The following CERKL variants were observed in gnomAD, a reference collection of about 807,000 sequenced individuals.
The protein encoded by CERKL is CERK like autophagy regulator.
In CERKL, 61 loss-of-function variants were observed where a neutral mutation model predicts 63.4. The ratio of observed to expected loss-of-function variants is 0.96; its 90% CI spans 0.78 to 1.19. The LOEUF (loss-of-function observed/expected upper bound fraction) is 1.19. Among genes scored for constraint, CERKL ranks in the 50% most tolerant of loss-of-function variants. CERKL has a pLI of 0.00. For missense variants in CERKL, 675 were observed against 655.5 expected, an observed-to-expected ratio of 1.03 and a Z score of -0.33; for synonymous variants, 250 against 230.5, an observed-to-expected ratio of 1.08 and a Z score of -0.77.
At chr2:181,648,309 T>C (rs546837297) in intron 1 of CERKL, among the ~76,000 whole-genome samples, 1 of 152,054 alleles carries the variant, frequency 6.6e-6, no homozygotes, top group Admixed American at 6.5e-5. Context: ...TGTAAGGGAA[T>C]CCTAATTAGA....
intron 2 of CERKL, among the ~76,000 whole-genome samples, chr2:181,586,443 T>TG (rs1423439083): frequency 1.3e-5 from 2 of 151,752 alleles, no homozygotes; most frequent in African/African-American, 2.4e-5. Context: ...CTAAACTCCT[T>TG]GAAAAAAAAA....
intron 11 of CERKL, among the ~76,000 whole-genome samples, chr2:181,543,438 A>AT (rs2105794756): frequency 6.6e-6 from 1 of 152,310 alleles, no homozygotes; most frequent in South Asian, 2.1e-4. Context: ...TGGGACTGTA[A>AT]TTTTTTATGA....
rs1301578842 is a variant in CERKL, at chr2:181,537,319, G to A, written c.*865C>T. 2.2e-6 allele frequency: 1 copy of A among 453,528 alleles called. No homozygotes were observed. The highest frequency in any genetic ancestry group is 7.0e-5 in the East Asian group (1 of 14,294). The allele number at this position is 453,528 out of a possible 1,614,324, so 28.1% of individuals were successfully genotyped here. On this transcript the variant is annotated 3_prime_UTR_variant, in exon 13 of 13. Transcript: ENST00000410087. ...TTCAGGTTATCTGAGCACAGTGAAAGCAGAGTACTATGGTTGTCCAACACA... is the reference window on the plus strand; with the variant it reads ...TTCAGGTTATCTGAGCACAGTGAAAACAGAGTACTATGGTTGTCCAACACA...
intron 1 of CERKL, among the ~76,000 whole-genome samples, chr2:181,653,732 G>T (rs1688030888): frequency 6.6e-6 from 1 of 152,288 alleles, no homozygotes; most frequent in South Asian, 2.1e-4. Context: ...GATTAGAATA[G>T]TTACCAGAGA....
chr2:181,571,682 G>A (rs10427271), intron 3 of CERKL, among the ~76,000 whole-genome samples: 57,330 of 151,790 alleles, frequency 0.38, 11,298 homozygotes, highest in African/African-American at 0.47. Context: ...AGTATACATT[G>A]TTGAGAGCCT....
chr2:181,618,661 C>T (rs1686319211), intron 1 of CERKL, among the ~76,000 whole-genome samples: 1 of 152,172 alleles, frequency 6.6e-6, no homozygotes, highest in East Asian at 1.9e-4. Flanking sequence ...ATCCACCCGC[C>T]TCGGCCTCGC....
intron 1 of CERKL, among the ~76,000 whole-genome samples, chr2:181,644,114 A>G (rs906512115): frequency 4.6e-5 from 7 of 152,232 alleles, no homozygotes; most frequent in African/African-American, 1.7e-4. Context: ...GAAATACGCA[A>G]ATAAGTCTGT....
At chr2:181,562,006 G>T (rs1349574564) in intron 4 of CERKL, among the ~76,000 whole-genome samples, 1 of 152,012 alleles carries the variant, frequency 6.6e-6, no homozygotes, top group African/African-American at 2.4e-5. Flanking sequence ...TAGAGATGGG[G>T]TTTTGCCATG....
In CERKL at chr2:181,537,143, ATAAAAAGGCTAGTCATTC is replaced by A. The variant is rs1362505428; in HGVS notation, c.*1023_*1040del. ...TATTTTTAAAAAACTTTGTATCGTT[ATAAAAAGGCTAGTCATTC>A]TTTCAGGAGAACATCTAGGATCATA... On this transcript the variant is annotated 3_prime_UTR_variant, in exon 13 of 13. Transcript: ENST00000410087. 4.4e-6 allele frequency: 2 copies of A among 453,770 alleles called. No individual in the cohort carries two copies. The highest frequency in any genetic ancestry group is 3.1e-5 in the South Asian group (2 of 64,434). 28.1% of individuals were successfully genotyped at this position (453,770 alleles called of 1,614,324 possible).
Position 181,537,328 on chromosome 2 carries a change from T to G in CERKL, c.*856A>C. ...TCTGAGCACAGTGAAAGCAGAGTAC[T>G]ATGGTTGTCCAACACAGGCCTCTCA... On this transcript the variant is annotated 3_prime_UTR_variant, in exon 13 of 13. Coordinates refer to ENST00000410087, the MANE Select transcript of CERKL (RefSeq NM_201548.5). 2.2e-6 allele frequency: 1 copy of G among 453,788 alleles called. No individual in the cohort carries two copies. Among genetic ancestry groups the G allele is most frequent in the Non-Finnish European group, 4.4e-6 (1 of 226,682 alleles). 28.1% of individuals were successfully genotyped at this position (453,788 alleles called of 1,614,324 possible).
intron 1 of CERKL, among the ~76,000 whole-genome samples, chr2:181,608,920 T>C (rs1001432278): frequency 9.9e-5 from 15 of 152,086 alleles, no homozygotes; most frequent in African/African-American, 2.9e-4. Flanking sequence ...AAGAAGAAGG[T>C]ATAATGGAGA....
At chr2:181,595,348 G>T (rs1249396143) in intron 2 of CERKL, among the ~76,000 whole-genome samples, 2 of 152,040 alleles carry the variant, frequency 1.3e-5, no homozygotes, top group African/African-American at 2.4e-5. Context: ...GAGAAATTAT[G>T]AATGCTGACC....
intron 4 of CERKL, among the ~76,000 whole-genome samples, chr2:181,564,953 C>G (rs1425952546): frequency 6.6e-6 from 1 of 152,116 alleles, no homozygotes; most frequent in Non-Finnish European, 1.5e-5. Context: ...TTTTGATTCC[C>G]AATGTTTATA....
At chr2:181,553,982 G>A (rs1015880664) in intron 5 of CERKL, among the ~76,000 whole-genome samples, 1 of 151,952 alleles carries the variant, frequency 6.6e-6, no homozygotes, top group African/African-American at 2.4e-5. Context: ...AGCTATAAAT[G>A]TTCTACCTCA....
At chr2:181,596,179 A>G (rs1470069652) in intron 2 of CERKL, among the ~76,000 whole-genome samples, 2 of 152,352 alleles carry the variant, frequency 1.3e-5, no homozygotes, top group Non-Finnish European at 2.9e-5. Flanking sequence ...AAAGAATTTG[A>G]AATATATCAG....
chr2:181,655,479 C>T (rs1046071024), intron 1 of CERKL, among the ~76,000 whole-genome samples: 1 of 152,208 alleles, frequency 6.6e-6, no homozygotes, highest in African/African-American at 2.4e-5. Context: ...AGCTATATCC[C>T]TAGCTTTTAA....
In CERKL at chr2:181,537,003, G is replaced by C. The variant is rs1386074425; in HGVS notation, c.*1181C>G. On this transcript the variant is annotated 3_prime_UTR_variant, in exon 13 of 13. Coordinates refer to ENST00000410087, the MANE Select transcript of CERKL (RefSeq NM_201548.5). The stretch of plus-strand genomic sequence containing the variant: ...AAAGTTATCTGTTCACAGGCCTGCA[G>C]TGATGGTGAGGAATGTTCTGAGATT... 4.5e-6 allele frequency: 2 copies of C among 449,280 alleles called. No homozygotes were observed. Among genetic ancestry groups the C allele is most frequent in the African/African-American group, 4.0e-5 (2 of 49,788 alleles). The allele number at this position is 449,280 out of a possible 1,614,324, so 27.8% of individuals were successfully genotyped here.
intron 3 of CERKL, among the ~76,000 whole-genome samples, chr2:181,572,367 T>A (rs895901): frequency 0.41 from 62,161 of 152,056 alleles, 13,767 homozygotes; most frequent in African/African-American, 0.58. Flanking sequence ...CATCCTGCAC[T>A]ATGTTGAACA....
At chr2:181,655,959 C>T (rs1182080774) in intron 1 of CERKL, among the ~76,000 whole-genome samples, 1 of 152,154 alleles carries the variant, frequency 6.6e-6, no homozygotes, top group African/African-American at 2.4e-5. Context: ...ACTTATAAGA[C>T]TTGCAAAATG....
Sources: allele counts gnomAD v4.1 joint callset (sites outside exome capture counted in the v4.1 genomes callset), GRCh38; gene constraint gnomAD v4.1.1; transcripts MANE v1.5; gene names NCBI Gene and HGNC (gene_info 2026-07-23, HGNC 2026-07-21).